Variants in CDH10 observed in about 807,000 individuals in gnomAD.
CDH10 encodes cadherin 10.
Under a neutral mutation model 73.1 loss-of-function variants are expected in CDH10, and 30 were observed. The ratio of observed to expected loss-of-function variants is 0.41; its 90% CI spans 0.31 to 0.56. CDH10 has a LOEUF of 0.56. Ranked by LOEUF, CDH10 falls within the 20% of genes least tolerant of loss-of-function variation. The pLI is 0.27. For synonymous variants in CDH10, 345 were observed against 348.2 expected, an observed-to-expected ratio of 0.99 and a Z score of 0.10; for missense variants, 815 against 973.7, an observed-to-expected ratio of 0.84 and a Z score of 2.17.
chr5:24,546,403 T>C (rs1218638662), intron 2 of CDH10, among the ~76,000 whole-genome samples: 4 of 152,272 alleles, frequency 2.6e-5, no homozygotes, highest in East Asian at 1.9e-4. Context: ...CTGAGAGATA[T>C]TCATATCTTC....
At position 24,509,703 on chromosome 5, in the gene CDH10, G is replaced by T; in HGVS notation, c.1119C>A (p.Ile373=). 1.2e-6 allele frequency: 2 copies of T among 1,613,604 alleles called. No individual in the cohort carries two copies. Residue 373 remains isoleucine, a synonymous_variant, in exon 7 of 12, where the codon ATC becomes ATA. Coordinates refer to ENST00000264463, the MANE Select transcript of CDH10 (RefSeq NM_006727.5). ...GPFKDTTIVK[I]SIEDVDEPPV... Reference sequence around the variant, plus strand: ...GAGGTTCATCCACATCTTCTATAGAGATTTTCACTATGGTAGTATCTTTAA... The same window carrying T: ...GAGGTTCATCCACATCTTCTATAGATATTTTCACTATGGTAGTATCTTTAA...
chr5:24,591,196 T>G (rs150066127), intron 2 of CDH10, among the ~76,000 whole-genome samples: 8 of 152,110 alleles, frequency 5.3e-5, no homozygotes, highest in African/African-American at 1.7e-4. Context: ...ATTAATGTAA[T>G]ACAAATAATA....
chr5:24,552,909 G>C (rs1744599480), intron 2 of CDH10, among the ~76,000 whole-genome samples: 1 of 152,028 alleles, frequency 6.6e-6, no homozygotes, highest in African/African-American at 2.4e-5. Context: ...GATTCCAAAA[G>C]GGACTGTTTG....
chr5:24,591,526 G>T (rs946315638), intron 2 of CDH10, among the ~76,000 whole-genome samples: 1 of 151,872 alleles, frequency 6.6e-6, no homozygotes, highest in African/African-American at 2.4e-5. Flanking sequence ...AATTTGAGTT[G>T]TATATCAAGA....
chr5:24,592,957 C>T (rs988398859), intron 2 of CDH10, among the ~76,000 whole-genome samples: 57 of 151,466 alleles, frequency 3.8e-4, no homozygotes, highest in African/African-American at 1.4e-3. Context: ...ACTGTATTTA[C>T]ATATAGGTTT....
At chr5:24,574,389 A>T (rs1227799835) in intron 2 of CDH10, among the ~76,000 whole-genome samples, 1 of 152,150 alleles carries the variant, frequency 6.6e-6, no homozygotes, top group Non-Finnish European at 1.5e-5. Context: ...CTCAGTGATA[A>T]ACTCGCATGA....
chr5:24,492,108 C>T (rs180786112), intron 10 of CDH10, among the ~76,000 whole-genome samples: 8 of 152,248 alleles, frequency 5.3e-5, no homozygotes, highest in Non-Finnish European at 1.2e-4. Context: ...ACCAAGATTA[C>T]AGATGATAAC....
chr5:24,627,603 T>G (rs575447340), intron 1 of CDH10, among the ~76,000 whole-genome samples: 89 of 152,286 alleles, frequency 5.8e-4, no homozygotes, highest in Non-Finnish European at 1.0e-3. Context: ...TAAACTTCTT[T>G]GAGCCTCAGG....
chr5:24,502,324 G>A (rs936436124), intron 8 of CDH10, among the ~76,000 whole-genome samples: 1 of 152,260 alleles, frequency 6.6e-6, no homozygotes, highest in Middle Eastern at 3.4e-3. Context: ...CATATGATGT[G>A]ATATATTTGT....
chr5:24,626,863 T>TATAA (rs1747520809), intron 1 of CDH10, among the ~76,000 whole-genome samples: 1 of 122,982 alleles, frequency 8.1e-6, no homozygotes, highest in Non-Finnish European at 1.8e-5. Context: ...TGTATATATA[T>TATAA]GTGTATATAT....
chr5:24,544,298 C>T (rs958640071), intron 2 of CDH10, among the ~76,000 whole-genome samples: 1 of 151,760 alleles, frequency 6.6e-6, no homozygotes, highest in Non-Finnish European at 1.5e-5. Flanking sequence ...GTCTCAGCAA[C>T]AACAACAAAA....
intron 2 of CDH10, among the ~76,000 whole-genome samples, chr5:24,581,916 A>G: frequency 6.6e-6 from 1 of 152,210 alleles, no homozygotes; most frequent in Non-Finnish European, 1.5e-5. Context: ...TGATATTGAG[A>G]AAAATGAGAA....
intron 1 of CDH10, chr5:24,611,856 A>AGGAT (rs1481090951): frequency 1.3e-5 from 2 of 152,138 alleles, no homozygotes; most frequent in East Asian, 1.9e-4. Context: ...CATGTTGAAG[A>AGGAT]GGATCATGGA....
intron 2 of CDH10, among the ~76,000 whole-genome samples, chr5:24,540,064 C>A (rs1258442371): frequency 6.6e-6 from 1 of 151,892 alleles, no homozygotes; most frequent in Non-Finnish European, 1.5e-5. Flanking sequence ...GAATTGTGTA[C>A]TTCTTAATCC....
intron 5 of CDH10, among the ~76,000 whole-genome samples, chr5:24,531,989 T>C (rs1256998605): frequency 2.6e-5 from 4 of 152,088 alleles, no homozygotes; most frequent in Non-Finnish European, 5.9e-5. Context: ...TACTTGGCAG[T>C]TGACATAATC....
chr5:24,626,147 T>G (rs1192963394), intron 1 of CDH10, among the ~76,000 whole-genome samples: 1 of 152,138 alleles, frequency 6.6e-6, no homozygotes, highest in East Asian at 1.9e-4. Flanking sequence ...AAATTCATGT[T>G]AATTTCATGG....
rs2111636260 is a variant in CDH10 at position 24,491,599 on chromosome 5, A to T, written c.1853T>A (p.Leu618His). The change falls in exon 11 of 12, where the codon CTC (leucine) becomes CAC (histidine). Residue 618 changes from leucine to histidine, a missense_variant. By Grantham distance (99) the Leu-to-His change is moderately conservative. Transcript: ENST00000264463. ...ACCCAGTAGAATGATGATGCAGAGGAGGATGGCGATCAAGGCCCCAGTGCT... is the reference window on the plus strand; with the variant it reads ...ACCCAGTAGAATGATGATGCAGAGGTGGATGGCGATCAAGGCCCCAGTGCT... ...GLSTGALIAI[L>H]LCIIILLVIV... 1 of 1,613,634 alleles carries T rather than the reference A, an allele frequency of 6.2e-7. No homozygotes were observed. The highest frequency in any genetic ancestry group is 8.5e-7 in the Non-Finnish European group (1 of 1,179,710).
intron 1 of CDH10, 98 bp from the exon 2 acceptor site, chr5:24,593,711 C>T (rs1159063474): frequency 2.0e-6 from 1 of 498,478 alleles, no homozygotes; most frequent in Non-Finnish European, 3.5e-6. Flanking sequence ...TTAATAACAA[C>T]CAAAACATTC....
chr5:24,537,741 CAGA>C (rs911876905), intron 2 of CDH10, 67 bp from the exon 3 acceptor site: 25 of 1,008,282 alleles, frequency 2.5e-5, no homozygotes, highest in African/African-American at 4.9e-5. Flanking sequence ...AAAGAATTCG[CAGA>C]AGGTCTTTCA....
Sources: gnomAD v4.1 joint callset for allele counts (sites outside exome capture counted in the v4.1 genomes callset) on GRCh38, gnomAD v4.1.1 for gene constraint, MANE v1.5 for transcripts, NCBI Gene and HGNC (gene_info 2026-07-23, HGNC 2026-07-21) for gene names.